Variants in NRG1 observed in about 807,000 individuals in gnomAD.
NRG1 encodes the protein neuregulin 1.
A neutral mutation model predicts 63.8 loss-of-function variants in NRG1; 18 were observed. The ratio of observed to expected loss-of-function variants is 0.28; its 90% CI spans 0.19 to 0.42. NRG1 has a LOEUF of 0.42. Ranked by LOEUF, NRG1 falls within the 10% of genes least tolerant of loss-of-function variation. The probability of loss-of-function intolerance (pLI) is 1.00; values close to 1 mark genes in which losing one functional copy is unlikely to be tolerated. For missense variants in NRG1, 762 were observed against 814.7 expected (o/e 0.94, Z 0.79); for synonymous variants, 302 against 301.3 (o/e 1.00, Z -0.02).
At chr8:32,548,821 G>T (rs750959316) in exon 1 of NRG1, 8 of 1,566,528 alleles carry the variant, frequency 5.1e-6, no homozygotes, top group Non-Finnish European at 6.9e-6. Flanking sequence ...GGCAGCCAGA[G>T]CCCAGGTGGG....
chr8:31,816,704 G>T (rs1042090618), intron 1 of NRG1, among the ~76,000 whole-genome samples: 1 of 152,120 alleles, frequency 6.6e-6, no homozygotes, highest in Admixed American at 6.5e-5. Flanking sequence ...GCAGAATCAG[G>T]ACTGGAATTT....
chr8:32,257,818 C>G (rs933960003), intron 1 of NRG1, among the ~76,000 whole-genome samples: 1 of 152,176 alleles, frequency 6.6e-6, no homozygotes, highest in Non-Finnish European at 1.5e-5. Context: ...ATTTAAAACT[C>G]AATAACTCAC....
intron 1 of NRG1, among the ~76,000 whole-genome samples, chr8:31,644,646 T>C (rs988630996): frequency 2.6e-4 from 40 of 152,294 alleles, no homozygotes; most frequent in African/African-American, 9.4e-4. Flanking sequence ...GGGCGGGTTA[T>C]TGCCCTTGTC....
At chr8:32,759,463 T>A in intron 10 of NRG1, 27 bp downstream of exon 10, 1 of 1,607,126 alleles carries the variant, frequency 6.2e-7, no homozygotes, top group South Asian at 1.1e-5. Flanking sequence ...ATTCCACGGC[T>A]TTTCTCTCAG....
chr8:32,200,996 C>A (rs1444617829), intron 1 of NRG1, among the ~76,000 whole-genome samples: 1 of 152,120 alleles, frequency 6.6e-6, no homozygotes, highest in Non-Finnish European at 1.5e-5. Context: ...ATACCTTATT[C>A]TATAAACTTC....
intron 1 of NRG1, among the ~76,000 whole-genome samples, chr8:32,578,803 G>A (rs1224097502): frequency 4.6e-5 from 7 of 152,286 alleles, no homozygotes; most frequent in Non-Finnish European, 1.0e-4. Context: ...GTACACCAAA[G>A]TAATGCAAGA....
At chr8:31,680,730 T>G (rs1808253261) in intron 1 of NRG1, among the ~76,000 whole-genome samples, 1 of 152,080 alleles carries the variant, frequency 6.6e-6, no homozygotes, top group African/African-American at 2.4e-5. Context: ...ACTTCCACAA[T>G]GGTTGAACTA....
At chr8:32,350,676 A>G (rs531407981) in intron 1 of NRG1, among the ~76,000 whole-genome samples, 12 of 152,132 alleles carry the variant, frequency 7.9e-5, no homozygotes, top group Non-Finnish European at 1.8e-4. Context: ...CATCTATAAA[A>G]TAAGAAATAT....
At chr8:32,672,620 T>A (rs1228742909) in intron 5 of NRG1, among the ~76,000 whole-genome samples, 1 of 152,238 alleles carries the variant, frequency 6.6e-6, no homozygotes, top group Non-Finnish European at 1.5e-5. Context: ...AAAATTAATT[T>A]ACATAGGTAC....
chr8:32,392,546 C>T (rs946369760), intron 1 of NRG1, among the ~76,000 whole-genome samples: 1 of 152,130 alleles, frequency 6.6e-6, no homozygotes, highest in Non-Finnish European at 1.5e-5. Context: ...CCAATTATAC[C>T]ATTATCATCT....
chr8:32,304,134 T>C (rs906872972), intron 1 of NRG1, among the ~76,000 whole-genome samples: 1 of 152,250 alleles, frequency 6.6e-6, no homozygotes, highest in African/African-American at 2.4e-5. Context: ...AAAATTCTTC[T>C]GAGTGTCTTA....
chr8:32,046,590 A>C (rs563510751), intron 1 of NRG1, among the ~76,000 whole-genome samples: 1 of 152,224 alleles, frequency 6.6e-6, no homozygotes, highest in African/African-American at 2.4e-5. Flanking sequence ...GTGGTATCTG[A>C]CTACTTCTTG....
In NRG1 at chr8:32,147,310, A is replaced by G. The variant is rs57508516; in HGVS notation, c.38-448518A>G. Among the ~76,000 whole-genome samples the G allele has an allele frequency of 3.3e-3, 504 of 152,320 alleles. 3 individuals are homozygous for G. Among genetic ancestry groups the G allele is most frequent in the African/African-American group, 0.011 (470 of 41,580 alleles). ...AAAAACCAAATGTCTTCATAAGGAT[A>G]TTCACCATAGTTTTGTTGAAAATTA... is the stretch of plus-strand genomic sequence containing the variant. On this transcript the variant is annotated intron_variant, in intron 1 of 10. Coordinates refer to the NRG1 transcript ENST00000519301.
chr8:31,821,479 G>A (rs534044438), intron 1 of NRG1, among the ~76,000 whole-genome samples: 13 of 152,250 alleles, frequency 8.5e-5, no homozygotes, highest in Non-Finnish European at 1.6e-4. Context: ...CTTTGGCTGA[G>A]TTTAAGATCT....
intron 1 of NRG1, among the ~76,000 whole-genome samples, chr8:31,854,760 T>A (rs940705556): frequency 1.3e-5 from 2 of 152,174 alleles, no homozygotes; most frequent in African/African-American, 4.8e-5. Flanking sequence ...GTGCTATAAA[T>A]TTCCCTCTAC....
chr8:32,104,968 G>A (rs976067941), intron 1 of NRG1, among the ~76,000 whole-genome samples: 5 of 151,334 alleles, frequency 3.3e-5, no homozygotes, highest in East Asian at 3.9e-4. Flanking sequence ...AACAATAAAA[G>A]TGCAGTATAG....
intron 1 of NRG1, among the ~76,000 whole-genome samples, chr8:32,593,850 G>A (rs1317038912): frequency 2.5e-5 from 3 of 119,228 alleles, no homozygotes; most frequent in African/African-American, 9.4e-5. Flanking sequence ...TATTTTCAAG[G>A]TGTCAAAAAA....
chr8:32,654,754 G>A (rs1227158667), intron 5 of NRG1, among the ~76,000 whole-genome samples: 2 of 126,252 alleles, frequency 1.6e-5, no homozygotes, highest in African/African-American at 5.8e-5. Flanking sequence ...TATCCCAACT[G>A]AAATGCGTTA....
chr8:32,138,869 A>G (rs1835889409), intron 1 of NRG1, among the ~76,000 whole-genome samples: 1 of 152,032 alleles, frequency 6.6e-6, no homozygotes, highest in Admixed American at 6.6e-5. Context: ...CATGCCCAGC[A>G]AGCTCACAGC....
Sources: allele counts gnomAD v4.1 joint callset (sites outside exome capture counted in the v4.1 genomes callset), GRCh38; gene constraint gnomAD v4.1.1; transcripts MANE v1.5; gene names NCBI Gene and HGNC (gene_info 2026-07-23, HGNC 2026-07-21).